FNDC1: variants seen among roughly 807,000 people sequenced by gnomAD.
FNDC1 encodes fibronectin type III domain-containing protein 1.
In FNDC1, 96 loss-of-function variants were observed where a neutral mutation model predicts 168.0. The observed-to-expected ratio is 0.57, with a 90% CI of 0.48 to 0.68. The LOEUF (loss-of-function observed/expected upper bound fraction) is 0.68. Among genes scored for constraint, FNDC1 ranks in the 30% least tolerant of loss-of-function variants. FNDC1 has a pLI of 0.00. For missense variants in FNDC1, 2,587 were observed against 2,482.1 expected (o/e 1.04, Z -0.90); for synonymous variants, 1,099 against 1,025.9 (o/e 1.07, Z -1.36).
rs1255739403 is a variant in FNDC1 at position 159,264,962 on chromosome 6, T to A, written c.5255-13T>A. On this transcript the variant is annotated splice_polypyrimidine_tract_variant and intron_variant, in intron 19 of 22. Transcript: ENST00000297267. ...TATGGCACAGAGTCCATTATTTCTT[T>A]TTCATTCTACAGATAATCCTCTGCT... 6 of 1,598,954 alleles carry A rather than the reference T, an allele frequency of 3.8e-6. No individual in the cohort carries two copies. Among genetic ancestry groups the A allele is most frequent in the Non-Finnish European group, 5.1e-6 (6 of 1,171,442 alleles).
intron 1 of FNDC1, among the ~76,000 whole-genome samples, chr6:159,185,071 G>A (rs148208224): frequency 2.4e-4 from 26 of 109,758 alleles, no homozygotes; most frequent in African/African-American, 8.1e-4. Flanking sequence ...GGAGGGTGGG[G>A]GGGGGGGAAT....
At chr6:159,221,398 AT>A (rs1480577881) in intron 5 of FNDC1, among the ~76,000 whole-genome samples, 199 bp from the exon 6 acceptor site, 2 of 152,196 alleles carry the variant, frequency 1.3e-5, no homozygotes, top group Non-Finnish European at 2.9e-5. Flanking sequence ...TTCTAACATA[AT>A]AGTGTTCTTT....
rs777281327 is a variant in FNDC1, at chr6:159,215,092, G to A, written c.608G>A (p.Arg203Gln). 4 of 1,614,008 alleles carry A rather than the reference G, an allele frequency of 2.5e-6. No individual in the cohort carries two copies. The highest frequency in any genetic ancestry group is 2.2e-5 in the East Asian group (1 of 44,880). ...GFLLGYGESG[R>Q]KMNYVPLTRD... ...CTCCTGGGCTACGGGGAGAGTGGCC[G>A]GAAGATGAATTATGTTCCACTGACA... The change falls in exon 5 of 23, where the codon CGG (arginine) becomes CAG (glutamine). Residue 203 changes from arginine (R) to glutamine (Q), a missense_variant. Arg to Gln is a conservative substitution (Grantham distance 43, BLOSUM62 1). Transcript: ENST00000297267.
chr6:159,218,008 C>A (rs1240094633), intron 5 of FNDC1, among the ~76,000 whole-genome samples: 1 of 152,188 alleles, frequency 6.6e-6, no homozygotes, highest in African/African-American at 2.4e-5. Context: ...GTGATGCGGG[C>A]CAAATTCTGC....
At chr6:159,247,185 A>G (rs1360662704) in intron 15 of FNDC1, among the ~76,000 whole-genome samples, 2 of 152,078 alleles carry the variant, frequency 1.3e-5, no homozygotes, top group African/African-American at 2.4e-5. Flanking sequence ...TGTGCTTAAC[A>G]CGTAGATGCA....
chr6:159,251,767 G>C (rs556801365), intron 17 of FNDC1, among the ~76,000 whole-genome samples: 1 of 152,162 alleles, frequency 6.6e-6, no homozygotes. Flanking sequence ...TCCTAAATCC[G>C]CGTCCCAGAT....
chr6:159,225,178 GAC>G (rs755587981), intron 7 of FNDC1, among the ~76,000 whole-genome samples: 507 of 146,402 alleles, frequency 3.5e-3, no homozygotes, highest in Non-Finnish European at 5.9e-3. Flanking sequence ...CACAAATACA[GAC>G]ACACACACAC....
In FNDC1 at chr6:159,233,088, C is replaced by G; in HGVS notation, c.2576C>G (p.Pro859Arg). The G allele has an allele frequency of 2.5e-6, 4 of 1,603,548 alleles. No homozygotes were observed. The highest frequency in any genetic ancestry group is 3.4e-6 in the Non-Finnish European group (4 of 1,175,266). Reference sequence around the variant, plus strand: ...TCGACTGTGCCCTCCCGAGCCCACCCCAGGGTTCCCTCTCACTCTGATTCC... The same window carrying G: ...TCGACTGTGCCCTCCCGAGCCCACCGCAGGGTTCCCTCTCACTCTGATTCC... The part of the protein sequence containing the change: ...PQSTVPSRAH[P>R]RVPSHSDSHP... The change falls in exon 11 of 23, where the codon CCC becomes CGC. Residue 859 changes from proline (P) to arginine (R), a missense_variant. Pro to Arg is a moderately radical substitution (Grantham distance 103). Transcript: ENST00000297267. This position sits in a 1 kb window ranked among gnomAD's most constrained non-coding sequence, Gnocchi z 4.6.
At position 159,223,665 on chromosome 6, in the gene FNDC1, T is replaced by A; in HGVS notation, c.884+20T>A. ...ATCAAGGTACTTTTGCTTATTTATT[T>A]GTCTTTATATATGAGAGATGGGGTT... On this transcript the variant is annotated intron_variant, in intron 7 of 22. Transcript: ENST00000297267. 1 of 1,485,482 alleles carries A rather than the reference T, an allele frequency of 6.7e-7. No individual in the cohort carries two copies. The highest frequency in any genetic ancestry group is 9.4e-7 in the Non-Finnish European group (1 of 1,066,112). The allele number at this position is 1,485,482 out of a possible 1,614,324, so 92.0% of individuals were successfully genotyped here. A position where few individuals can be genotyped will look rare whatever the true frequency, so the allele number is the denominator to read the frequency against.
chr6:159,206,524 C>T (rs1351659006), intron 4 of FNDC1, among the ~76,000 whole-genome samples: 2 of 152,160 alleles, frequency 1.3e-5, no homozygotes, highest in Non-Finnish European at 2.9e-5. Context: ...GTTGCTTCTG[C>T]CCCATACCTG....
intron 1 of FNDC1, among the ~76,000 whole-genome samples, chr6:159,195,585 C>T (rs1408452740): frequency 6.6e-6 from 1 of 152,180 alleles, no homozygotes; most frequent in African/African-American, 2.4e-5. Flanking sequence ...TTGTAGTTGG[C>T]TCCATCCCTG....
rs1307819946 is a variant in FNDC1 at position 159,232,084 on chromosome 6, G to C, written c.1572G>C (p.Gln524His). 1 of 1,613,856 alleles carries C rather than the reference G, an allele frequency of 6.2e-7. No homozygotes were observed. Among genetic ancestry groups the C allele is most frequent in the South Asian group, 1.1e-5 (1 of 91,040 alleles). ...LANGGAPRKP[Q>H]LRAKKAEELD... Reference sequence around the variant, plus strand: ...ATGGTGGGGCGCCCCGAAAACCCCAGCTTCGCGCCAAGAAGGCAGAGGAGC... The same window carrying C: ...ATGGTGGGGCGCCCCGAAAACCCCACCTTCGCGCCAAGAAGGCAGAGGAGC... Residue 524 changes from glutamine (Q) to histidine (H), a missense_variant, in exon 11 of 23, where the codon CAG (glutamine) becomes CAC (histidine). Physicochemically the swap from Gln to His is conservative, Grantham distance 24. Transcript: ENST00000297267. This position sits in a 1 kb window ranked among gnomAD's most constrained non-coding sequence, Gnocchi z 4.9.
intron 5 of FNDC1, among the ~76,000 whole-genome samples, chr6:159,219,784 CAGTTGTGGGA>C (rs1782784043): frequency 6.6e-6 from 1 of 152,066 alleles, no homozygotes; most frequent in Non-Finnish European, 1.5e-5. Context: ...ATACAAATTT[CAGTTGTGGGA>C]AATTATTCGT....
intron 1 of FNDC1, among the ~76,000 whole-genome samples, chr6:159,185,517 C>T (rs941005393): frequency 6.6e-6 from 1 of 152,150 alleles, no homozygotes; most frequent in Non-Finnish European, 1.5e-5. Context: ...AGCAGAGAGA[C>T]CGGGACTGTC....
At chr6:159,258,356 C>T (rs1464223344) in intron 18 of FNDC1, among the ~76,000 whole-genome samples, 2 of 152,068 alleles carry the variant, frequency 1.3e-5, no homozygotes, top group African/African-American at 2.4e-5. Flanking sequence ...GTACATCATG[C>T]TTTGAGAGTA....
intron 1 of FNDC1, among the ~76,000 whole-genome samples, chr6:159,195,638 T>A (rs1310897888): frequency 6.6e-6 from 1 of 152,154 alleles, no homozygotes; most frequent in Non-Finnish European, 1.5e-5. Context: ...CTGTGCTGTG[T>A]CCAACGACAA....
intron 8 of FNDC1, among the ~76,000 whole-genome samples, chr6:159,225,931 C>A (rs1782947323): frequency 6.6e-6 from 1 of 152,160 alleles, no homozygotes; most frequent in Admixed American, 6.5e-5. Context: ...CGTTTGTTGG[C>A]CTTTTCCACT....
At position 159,233,161 on chromosome 6, in the gene FNDC1, G is replaced by T. The variant is rs757006855; in HGVS notation, c.2649G>T (p.Lys883Asn). 7.5e-6 allele frequency: 12 copies of T among 1,607,356 alleles called. No homozygotes were observed. The highest frequency in any genetic ancestry group is 1.0e-5 in the Non-Finnish European group (12 of 1,177,200). Residue 883 changes from lysine (K) to asparagine (N), a missense_variant, in exon 11 of 23, where the codon AAG (lysine) becomes AAT (asparagine). Coordinates refer to ENST00000297267, the MANE Select transcript of FNDC1 (RefSeq NM_032532.3). This position sits in a 1 kb window ranked among gnomAD's most constrained non-coding sequence, Gnocchi z 4.6. ...TCCATGGAGACGAGGAGGATGAGAA[G>T]CCGCTTCCTGCCACCGTTGTCAATG... ...SGIHGDEEDE[K>N]PLPATVVNDH...
chr6:159,180,267 C>T (rs1008617125), intron 1 of FNDC1, among the ~76,000 whole-genome samples: 4 of 152,150 alleles, frequency 2.6e-5, no homozygotes, highest in African/African-American at 7.2e-5. Flanking sequence ...ATTCTCCCTG[C>T]GTCTTCTCTT....
Sources: allele counts gnomAD v4.1 joint callset (sites outside exome capture counted in the v4.1 genomes callset), GRCh38; gene constraint gnomAD v4.1.1; non-coding constraint Gnocchi (gnomAD v3.1); transcripts MANE v1.5; gene names NCBI Gene and HGNC (gene_info 2026-07-23, HGNC 2026-07-21).